TRPC7: variants seen among roughly 807,000 people sequenced by gnomAD.
TRPC7 encodes transient receptor potential cation channel subfamily C member 7.
In TRPC7, 42 loss-of-function variants were observed where a neutral mutation model predicts 90.1. The observed-to-expected ratio is 0.47, with a 90% CI of 0.36 to 0.60. The LOEUF is 0.60. Ranked by LOEUF, TRPC7 falls within the 20% of genes least tolerant of loss-of-function variation. The pLI, the probability that TRPC7 is intolerant of heterozygous loss-of-function variation, is 0.00. For synonymous variants in TRPC7, 451 were observed against 436.3 expected, an observed-to-expected ratio of 1.03 and a Z score of -0.42; for missense variants, 955 against 1,112.3, an observed-to-expected ratio of 0.86 and a Z score of 2.01.
At chr5:136,224,018 T>G (rs1755547813) in intron 10 of TRPC7, among the ~76,000 whole-genome samples, 1 of 152,224 alleles carries the variant, frequency 6.6e-6, no homozygotes, top group Non-Finnish European at 1.5e-5. Context: ...ATTGTGCAAT[T>G]AAATTCTCCT....
At chr5:136,293,408 A>C (rs1758036028) in intron 3 of TRPC7, among the ~76,000 whole-genome samples, 3 of 152,206 alleles carry the variant, frequency 2.0e-5, no homozygotes, top group African/African-American at 7.2e-5. Context: ...CTGAGCCCAA[A>C]ATCTCCTTAA....
intron 2 of TRPC7, among the ~76,000 whole-genome samples, chr5:136,326,930 T>C (rs1361905846): frequency 6.6e-6 from 1 of 152,004 alleles, no homozygotes; most frequent in Non-Finnish European, 1.5e-5. Flanking sequence ...TTAGAAGACC[T>C]GGGGGGAGGT....
At chr5:136,289,410 CA>C (rs1757850721) in intron 3 of TRPC7, among the ~76,000 whole-genome samples, 1 of 152,242 alleles carries the variant, frequency 6.6e-6, no homozygotes. Flanking sequence ...AAAGGGGTGA[CA>C]GATGGCACCT....
Position 136,330,406 on chromosome 5 carries a change from C to G in TRPC7, c.781-14627G>C, listed in dbSNP as rs953211195. Among the ~76,000 whole-genome samples, 5 of 152,304 alleles carry G rather than the reference C, an allele frequency of 3.3e-5. No homozygotes were observed. The East Asian group carries it at 7.7e-4, about 23-fold the overall frequency. ...TCTTATGGACAGAGGAACCGAGGCC[C>G]AGAGACTTTGGTGGCAGCTGGGATC... On this transcript the variant is annotated intron_variant, in intron 2 of 11. Coordinates refer to ENST00000513104, the MANE Select transcript of TRPC7 (RefSeq NM_020389.3).
At chr5:136,252,332 T>A (rs1471991063) in intron 5 of TRPC7, among the ~76,000 whole-genome samples, 2 of 152,154 alleles carry the variant, frequency 1.3e-5, no homozygotes, top group Non-Finnish European at 2.9e-5. Flanking sequence ...CTATGGTTTT[T>A]TTTGGACATA....
chr5:136,226,798 A>C (rs1269517027), intron 8 of TRPC7, among the ~76,000 whole-genome samples: 2 of 152,248 alleles, frequency 1.3e-5, no homozygotes, highest in African/African-American at 4.8e-5. Context: ...TTAATGCAGT[A>C]GATCAAAAAT....
chr5:136,270,811 C>A (rs1012254467), intron 4 of TRPC7, among the ~76,000 whole-genome samples: 2 of 152,202 alleles, frequency 1.3e-5, no homozygotes. Flanking sequence ...AGCAGGGTGA[C>A]AGGTGCTGGA....
intron 5 of TRPC7, among the ~76,000 whole-genome samples, chr5:136,264,069 C>A: frequency 6.6e-6 from 1 of 152,152 alleles, no homozygotes; most frequent in East Asian, 1.9e-4. Context: ...GAAATAAGTC[C>A]TTCCCTCTAC....
At position 136,251,532 on chromosome 5, in the gene TRPC7, A is replaced by C. The variant is rs1301551272; in HGVS notation, c.1579+117T>G. On this transcript the variant is annotated intron_variant, in intron 6 of 11. Transcript: ENST00000513104. ...TGGAACTGCCAAAGTCGGCTGTGTT[A>C]CAAATCATGGGCCACTTGATTACAA... is the stretch of plus-strand genomic sequence containing the variant. 5.9e-6 allele frequency: 5 copies of C among 847,652 alleles called. No individual in the cohort carries two copies. The East Asian group carries it at 1.3e-4, about 23-fold the overall frequency. 52.5% of individuals were successfully genotyped at this position (847,652 alleles called of 1,614,324 possible).
intron 2 of TRPC7, among the ~76,000 whole-genome samples, chr5:136,324,065 C>T (rs1488822122): frequency 6.6e-6 from 1 of 151,886 alleles, no homozygotes; most frequent in Non-Finnish European, 1.5e-5. Context: ...TTCATTTTTT[C>T]AGCTATTGGA....
intron 2 of TRPC7, among the ~76,000 whole-genome samples, chr5:136,347,398 G>A (rs185096196): frequency 4.5e-4 from 69 of 152,278 alleles, no homozygotes; most frequent in African/African-American, 1.4e-3. Context: ...GGAAGGAGAA[G>A]GGGAGGTCTA....
At chr5:136,236,735 C>T (rs1278762946) in intron 7 of TRPC7, among the ~76,000 whole-genome samples, 1 of 152,094 alleles carries the variant, frequency 6.6e-6, no homozygotes, top group Non-Finnish European at 1.5e-5. Flanking sequence ...CAGTTGTATA[C>T]GGGCCTCAGA....
chr5:136,329,191 T>C (rs1387826887), intron 2 of TRPC7, among the ~76,000 whole-genome samples: 1 of 152,188 alleles, frequency 6.6e-6, no homozygotes, highest in Non-Finnish European at 1.5e-5. Context: ...ACAAGTCCCC[T>C]CTGTTAGATT....
intron 1 of TRPC7, among the ~76,000 whole-genome samples, chr5:136,364,132 T>G (rs185717902): frequency 2.6e-5 from 4 of 152,202 alleles, no homozygotes; most frequent in Admixed American, 1.3e-4. Context: ...AAATGTTGAT[T>G]GCCTTTACTA....
intron 8 of TRPC7, among the ~76,000 whole-genome samples, chr5:136,231,107 G>C (rs774195131): frequency 6.6e-5 from 10 of 152,204 alleles, no homozygotes; most frequent in Non-Finnish European, 1.3e-4. Flanking sequence ...GTGTAAAAGA[G>C]AGAAGACTCA....
At chr5:136,254,004 G>A (rs7724982) in intron 5 of TRPC7, among the ~76,000 whole-genome samples, 9,635 of 152,238 alleles carry the variant, frequency 0.063, 638 homozygotes, top group African/African-American at 0.17. Context: ...CCTTAAGCCA[G>A]TGCCCAAACC....
chr5:136,253,598 A>G (rs952324423), intron 5 of TRPC7, among the ~76,000 whole-genome samples: 2 of 152,218 alleles, frequency 1.3e-5, no homozygotes, highest in Non-Finnish European at 2.9e-5. Context: ...TGGGGGTATC[A>G]TGAACCACTC....
chr5:136,232,350 G>A (rs950808535), intron 7 of TRPC7, among the ~76,000 whole-genome samples: 4 of 152,178 alleles, frequency 2.6e-5, no homozygotes, highest in Admixed American at 6.5e-5. Flanking sequence ...CTAGGCACTC[G>A]ACAAAGAGCA....
At chr5:136,239,670 C>T (rs1429922890) in intron 7 of TRPC7, among the ~76,000 whole-genome samples, 1 of 152,228 alleles carries the variant, frequency 6.6e-6, no homozygotes, top group East Asian at 1.9e-4. Flanking sequence ...CCTTGCCCTG[C>T]TTCTCCATCC....
Sources: gnomAD v4.1 joint callset for allele counts (sites outside exome capture counted in the v4.1 genomes callset) on GRCh38, gnomAD v4.1.1 for gene constraint, MANE v1.5 for transcripts, NCBI Gene and HGNC (gene_info 2026-07-23, HGNC 2026-07-21) for gene names.